MEGF8: variants seen among roughly 807,000 people sequenced by gnomAD.
MEGF8 encodes the protein multiple EGF like domains 8, also known as multiple epidermal growth factor-like domains protein 8.
MEGF8 carries 156 observed loss-of-function variants against 302.9 expected under a neutral mutation model. The ratio of observed to expected loss-of-function variants is 0.52; its 90% CI spans 0.45 to 0.59. MEGF8 has a LOEUF of 0.59. MEGF8 is among the 20% of genes least tolerant of loss of function. The probability of loss-of-function intolerance (pLI) is 0.00; values close to 1 mark genes in which losing one functional copy is unlikely to be tolerated. For missense variants in MEGF8, 3,345 were observed against 3,964.5 expected, an observed-to-expected ratio of 0.84 and a Z score of 4.20; for synonymous variants, 1,621 against 1,660.5, an observed-to-expected ratio of 0.98 and a Z score of 0.58.
rs754912003 is a variant in MEGF8 at position 42,353,694 on chromosome 19, CAGGG to C, written c.3761+20_3761+23del. On this transcript the variant is annotated intron_variant, in intron 21 of 41. Coordinates refer to ENST00000251268, the MANE Select transcript of MEGF8 (RefSeq NM_001271938.2). This position sits in a 1 kb window ranked among gnomAD's most constrained non-coding sequence, Gnocchi z 6.1. ...ATCCCCGGTGAGCCAACGGGCCAGC[CAGGG>C]CTGGGTAGGGTGTGCTTGGGGACAC... 2.5e-6 allele frequency: 4 copies of C among 1,576,800 alleles called. No individual in the cohort carries two copies. The highest frequency in any genetic ancestry group is 3.5e-6 in the Non-Finnish European group (4 of 1,156,520).
rs200338219 is a variant in MEGF8, at chr19:42,363,151, A to G, written c.6162A>G (p.Pro2054=). 1.2e-6 allele frequency: 2 copies of G among 1,612,416 alleles called. No individual in the cohort carries two copies. The highest frequency in any genetic ancestry group is 1.7e-5 in the Admixed American group (1 of 59,796). The change falls in exon 35 of 42, where the codon CCA becomes CCG. Residue 2054 remains proline, a synonymous_variant. Coordinates refer to ENST00000251268, the MANE Select transcript of MEGF8 (RefSeq NM_001271938.2). ...CCATGCCGGTGGAATCATCACCCCC[A>G]CTGCCCTGCCCCACCCCTTGTCACC... ...VSPMPVESSP[P]LPCPTPCHLL...
chr19:42,346,883 T>C (rs1328034968), intron 12 of MEGF8, among the ~76,000 whole-genome samples: 1 of 144,788 alleles, frequency 6.9e-6, no homozygotes, highest in African/African-American at 2.6e-5. Flanking sequence ...TACTCAGGAG[T>C]CTGAAGCAGG....
chr19:42,343,904 C>G (rs1248367600), intron 9 of MEGF8, 50 bp from the exon 10 acceptor site: 3 of 1,590,176 alleles, frequency 1.9e-6, no homozygotes, highest in Admixed American at 1.7e-5. Context: ...TCTGAGAGGC[C>G]TCCTCCTCCG....
Position 42,348,291 on chromosome 19 carries a change from C to G in MEGF8, c.2117C>G (p.Thr706Arg), listed in dbSNP as rs772522369. 1 of 1,537,432 alleles carries G rather than the reference C, an allele frequency of 6.5e-7. No homozygotes were observed. The highest frequency in any genetic ancestry group is 8.7e-7 in the Non-Finnish European group (1 of 1,146,878). Reference sequence around the variant, plus strand: ...GCACAGGTCTCAATTGTCCGCAGCACGACCATCACCCTAACACCCAGCGCA... The same window carrying G: ...GCACAGGTCTCAATTGTCCGCAGCAGGACCATCACCCTAACACCCAGCGCA... ...QPDKVSIVRS[T>R]TITLTPSAET... Residue 706 changes from threonine to arginine, a missense_variant, in exon 13 of 42, where the codon ACG becomes AGG. Thr to Arg is a moderately conservative substitution (Grantham distance 71, BLOSUM62 -1). Transcript: ENST00000251268.
chr19:42,328,104 A>G (rs181078103), intron 1 of MEGF8, among the ~76,000 whole-genome samples: 2 of 152,330 alleles, frequency 1.3e-5, no homozygotes, highest in African/African-American at 4.8e-5. Context: ...AAACAAAAAC[A>G]TAGAATACAA....
rs2147506637 is a variant in MEGF8 at position 42,368,624 on chromosome 19, G to T, written c.6443G>T (p.Gly2148Val). The T allele has an allele frequency of 6.4e-7, 1 of 1,564,896 alleles. No individual in the cohort carries two copies. ...GCCTGGGGGGGCCAGGATGGGGGTG[G>T]CCGCTGCATGGAGGGTGGACTCAGC... ...WCAWGGQDGGGRCMEGGLSGP... is the reference protein window; with the variant it reads ...WCAWGGQDGGVRCMEGGLSGP... Residue 2148 changes from glycine (G) to valine (V), a missense_variant, in exon 36 of 42, where the codon GGC (glycine) becomes GTC (valine). Coordinates refer to ENST00000251268, the MANE Select transcript of MEGF8 (RefSeq NM_001271938.2). The surrounding 1 kb of genome is among the most constrained non-coding windows in gnomAD (Gnocchi z 4.9).
intron 12 of MEGF8, among the ~76,000 whole-genome samples, chr19:42,345,776 G>C (rs2039280730): frequency 6.6e-6 from 1 of 152,184 alleles, no homozygotes; most frequent in Non-Finnish European, 1.5e-5. Flanking sequence ...GTTTTTGTTT[G>C]AACATCTGTT....
chr19:42,342,420 C>T (rs1036330470), intron 8 of MEGF8, among the ~76,000 whole-genome samples: 13 of 152,212 alleles, frequency 8.5e-5, no homozygotes, highest in Non-Finnish European at 7.4e-5. Flanking sequence ...GAGTGGATCA[C>T]GAGGTCAGGA....
chr19:42,350,546 A>G (rs1283877448), intron 15 of MEGF8, among the ~76,000 whole-genome samples, 162 bp downstream of exon 15: 3 of 152,084 alleles, frequency 2.0e-5, no homozygotes, highest in Admixed American at 6.5e-5. Flanking sequence ...CTGTAGAGAG[A>G]GGCACCTGGG....
chr19:42,349,786 T>G, intron 14 of MEGF8, 87 bp downstream of exon 14: 1 of 1,387,446 alleles, frequency 7.2e-7, no homozygotes. Context: ...CCACAAACTC[T>G]GAAATCCCTA....
In MEGF8 at chr19:42,375,995, G is replaced by A. The variant is rs1412954768; in HGVS notation, c.7758G>A (p.Val2586=). Residue 2586 remains valine, a synonymous_variant, in exon 42 of 42, where the codon GTG becomes GTA. Coordinates refer to ENST00000251268, the MANE Select transcript of MEGF8 (RefSeq NM_001271938.2). The surrounding 1 kb of genome is among the most constrained non-coding windows in gnomAD (Gnocchi z 7.1). ...TGACGGTGACGGAGCCGTCGGCAGTGCTGGTGGTCCGCGGCGTGCGGGACC... is the reference window on the plus strand; with the variant it reads ...TGACGGTGACGGAGCCGTCGGCAGTACTGGTGGTCCGCGGCGTGCGGGACC... ...TYVTVTEPSA[V]LVVRGVRDRL... 6.2e-7 allele frequency: 1 copy of A among 1,607,080 alleles called. No individual in the cohort carries two copies. Among genetic ancestry groups the A allele is most frequent in the Non-Finnish European group, 8.5e-7 (1 of 1,178,148 alleles).
intron 7 of MEGF8, 29 bp from the exon 8 acceptor site, chr19:42,337,055 C>T (rs1165738733): frequency 2.5e-6 from 4 of 1,613,312 alleles, no homozygotes; most frequent in Non-Finnish European, 3.4e-6. Flanking sequence ...CCTAGGCTTG[C>T]CAGCTATGCC....
At position 42,349,630 on chromosome 19, in the gene MEGF8, T is replaced by C. The variant is rs28621009; in HGVS notation, c.2430T>C (p.Asn810=). ...CAGTAGAGATCCAGGGCCAGCTCAATGGCTCGGCAGGCCCTGGGCACAGCG... is the reference window on the plus strand; with the variant it reads ...CAGTAGAGATCCAGGGCCAGCTCAACGGCTCGGCAGGCCCTGGGCACAGCG... ...KYAVEIQGQL[N]GSAGPGHSEL... The change falls in exon 14 of 42, where the codon AAT becomes AAC. Residue 810 remains asparagine, a synonymous_variant. Transcript: ENST00000251268. The C allele has an allele frequency of 0.077, 123,396 of 1,612,088 alleles. 8,492 individuals carry two copies. Among genetic ancestry groups the C allele is most frequent in the African/African-American group, 0.33 (24,973 of 74,912 alleles).
In MEGF8 at chr19:42,352,334, T is replaced by C. The variant is rs764771703; in HGVS notation, c.3228T>C (p.Asp1076=). Reference sequence around the variant, plus strand: ...CATACGCCCGCTGTCCTGACGTGGATGAGTGTCGCCTGGGCCTGGCCCGGT... The same window carrying C: ...CATACGCCCGCTGTCCTGACGTGGACGAGTGTCGCCTGGGCCTGGCCCGGT... ...RWAYARCPDV[D]ECRLGLARCH... is the part of the protein sequence containing the mutation. Residue 1076 remains aspartate, a synonymous_variant, in exon 19 of 42, where the codon GAT becomes GAC. Transcript: ENST00000251268. The surrounding 1 kb of genome is among the most constrained non-coding windows in gnomAD (Gnocchi z 4.4). The C allele has an allele frequency of 1.3e-6, 2 of 1,585,738 alleles. No individual in the cohort carries two copies. The highest frequency in any genetic ancestry group is 1.8e-5 in the Admixed American group (1 of 55,602).
At position 42,355,847 on chromosome 19, in the gene MEGF8, C is replaced by A. The variant is rs760139304; in HGVS notation, c.4234C>A (p.Pro1412Thr). 5.1e-6 allele frequency: 8 copies of A among 1,567,334 alleles called. No individual in the cohort carries two copies. The Admixed American group carries it at 7.6e-5, about 15-fold the overall frequency. The change falls in exon 24 of 42, where the codon CCC becomes ACC. Residue 1412 changes from proline to threonine, a missense_variant. Coordinates refer to ENST00000251268, the MANE Select transcript of MEGF8 (RefSeq NM_001271938.2). ...VGSARCGSGG[P>T]GSCPVPQECV... Reference sequence around the variant, plus strand: ...CTCTGCCCGCTGTGGGTCAGGGGGCCCCGGGAGCTGTCCCGTCCCCCAGGA... The same window carrying A: ...CTCTGCCCGCTGTGGGTCAGGGGGCACCGGGAGCTGTCCCGTCCCCCAGGA...
In MEGF8 at chr19:42,368,278, C is replaced by T. The variant is rs1241722923; in HGVS notation, c.6274-177C>T. On this transcript the variant is annotated intron_variant, in intron 35 of 41. Transcript: ENST00000251268. This position sits in a 1 kb window ranked among gnomAD's most constrained non-coding sequence, Gnocchi z 4.9. ...TCCCGCCTTGGTGTGTAGTTACAAACGCTTGAGAGGGAAAACATGATGACC... is the reference window on the plus strand; with the variant it reads ...TCCCGCCTTGGTGTGTAGTTACAAATGCTTGAGAGGGAAAACATGATGACC... Among the ~76,000 whole-genome samples the T allele has an allele frequency of 2.0e-5, 3 of 152,198 alleles. No homozygotes were observed. Among genetic ancestry groups the T allele is most frequent in the African/African-American group, 2.4e-5 (1 of 41,452 alleles).
At position 42,328,994 on chromosome 19, in the gene MEGF8, A is replaced by T. The variant is rs544306253; in HGVS notation, c.187+2564A>T. On this transcript the variant is annotated intron_variant, in intron 1 of 41. Transcript: ENST00000251268. ...GGGTGGATGTACCTAGGGAGGAAAG[A>T]GGACTGTGCTGCAGATAACAGAGCA... Among the ~76,000 whole-genome samples, 182 of 152,240 alleles carry T rather than the reference A, an allele frequency of 1.2e-3. 1 individual carries two copies. The highest frequency in any genetic ancestry group is 4.3e-3 in the African/African-American group (178 of 41,544).
Position 42,357,052 on chromosome 19 carries a change from C to T in MEGF8, c.4830+71C>T, listed in dbSNP as rs2039463171. 7.1e-7 allele frequency: 1 copy of T among 1,404,716 alleles called. No individual in the cohort carries two copies. Among genetic ancestry groups the T allele is most frequent in the Non-Finnish European group, 9.6e-7 (1 of 1,044,880 alleles). The allele number at this position is 1,404,716 out of a possible 1,614,324, so 87.0% of individuals were successfully genotyped here. On this transcript the variant is annotated intron_variant, in intron 27 of 41. Coordinates refer to ENST00000251268, the MANE Select transcript of MEGF8 (RefSeq NM_001271938.2). This position sits in a 1 kb window ranked among gnomAD's most constrained non-coding sequence, Gnocchi z 5.2. The stretch of plus-strand genomic sequence containing the variant: ...CTGACAGAGACAGCTGTGGTAGCTC[C>T]TGCCAGCTCCATCCCCAGAGGAAAC...
chr19:42,368,627 G>A lies in MEGF8; in HGVS notation c.6446G>A (p.Arg2149His), dbSNP rs1292779422. The A allele has an allele frequency of 6.4e-6, 10 of 1,563,128 alleles. No individual in the cohort carries two copies. The highest frequency in any genetic ancestry group is 3.5e-5 in the South Asian group (3 of 85,562). The change falls in exon 36 of 42, where the codon CGC becomes CAC. Residue 2149 changes from arginine (R) to histidine (H), a missense_variant. Physicochemically the swap from Arg to His is conservative, Grantham distance 29. Coordinates refer to ENST00000251268, the MANE Select transcript of MEGF8 (RefSeq NM_001271938.2). This position sits in a 1 kb window ranked among gnomAD's most constrained non-coding sequence, Gnocchi z 4.9. The stretch of plus-strand genomic sequence containing the variant: ...TGGGGGGGCCAGGATGGGGGTGGCC[G>A]CTGCATGGAGGGTGGACTCAGCGGC... ...CAWGGQDGGGRCMEGGLSGPR... is the reference protein window; with the variant it reads ...CAWGGQDGGGHCMEGGLSGPR...
Sources: allele counts gnomAD v4.1 joint callset (sites outside exome capture counted in the v4.1 genomes callset), GRCh38; gene constraint gnomAD v4.1.1; non-coding constraint Gnocchi (gnomAD v3.1); transcripts MANE v1.5; gene names NCBI Gene and HGNC (gene_info 2026-07-23, HGNC 2026-07-21).